RGS7: variants seen among roughly 807,000 people sequenced by gnomAD.
RGS7 encodes the protein regulator of G protein signaling 7.
RGS7 carries 27 observed loss-of-function variants against 81.1 expected under a neutral mutation model. The observed-to-expected ratio is 0.33, with a 90% confidence interval of 0.25 to 0.46. RGS7 has a LOEUF of 0.46. Among genes scored for constraint, RGS7 ranks in the 20% least tolerant of loss-of-function variants. The probability of loss-of-function intolerance (pLI) is 1.00; values close to 1 mark genes in which losing one functional copy is unlikely to be tolerated. For synonymous variants in RGS7, 208 were observed against 207.7 expected (o/e 1.00, Z -0.01); for missense variants, 396 against 607.4 (o/e 0.65, Z 3.66).
At chr1:241,346,638 G>C (rs534078001) in intron 2 of RGS7, among the ~76,000 whole-genome samples, 1 of 152,202 alleles carries the variant, frequency 6.6e-6, no homozygotes, top group Non-Finnish European at 1.5e-5. Flanking sequence ...CACAGAGCTC[G>C]ACAGTTCTGC....
intron 6 of RGS7, among the ~76,000 whole-genome samples, chr1:240,916,253 G>A (rs529793003): frequency 6.9e-6 from 1 of 145,634 alleles, no homozygotes; most frequent in Non-Finnish European, 1.5e-5. Context: ...CTTCAGCCTG[G>A]GTGACAGAGT....
At chr1:241,172,143 C>T (rs2070779071) in intron 2 of RGS7, among the ~76,000 whole-genome samples, 2 of 152,146 alleles carry the variant, frequency 1.3e-5, no homozygotes, top group Admixed American at 1.3e-4. Flanking sequence ...TCCATGATTC[C>T]CATTGTTTAT....
At chr1:241,116,396 G>A (rs767981687) in intron 2 of RGS7, among the ~76,000 whole-genome samples, 8 of 152,044 alleles carry the variant, frequency 5.3e-5, no homozygotes, top group South Asian at 2.1e-4. Flanking sequence ...AAAAGGTACC[G>A]TATATAGGTT....
In RGS7 at chr1:241,322,568, G is replaced by C. The variant is rs148472329; in HGVS notation, c.78+33131C>G. 1.7e-4 allele frequency among the ~76,000 whole-genome samples: 26 copies of C among 152,310 alleles called. No homozygotes were observed. The East Asian group carries it at 2.9e-3, about 17-fold the overall frequency. The stretch of plus-strand genomic sequence containing the variant: ...TTACATAAATTCAAGAAAAGCAGGG[G>C]TTTAGCATATCTGCCACCCTGAATT... On this transcript the variant is annotated intron_variant, in intron 2 of 18. Transcript: ENST00000440928.
At chr1:241,273,202 T>G (rs2078020039) in intron 2 of RGS7, among the ~76,000 whole-genome samples, 1 of 126,676 alleles carries the variant, frequency 7.9e-6, no homozygotes, top group Admixed American at 9.1e-5. Flanking sequence ...ATACACTCCT[T>G]CTTCTCTCAA....
intron 2 of RGS7, among the ~76,000 whole-genome samples, chr1:241,251,837 G>A (rs1302601438): frequency 1.3e-5 from 2 of 151,822 alleles, no homozygotes; most frequent in Non-Finnish European, 2.9e-5. Context: ...GTGTACTCAA[G>A]GTCCAAACTT....
At position 240,960,975 on chromosome 1, in the gene RGS7, A is replaced by T. The variant is rs145946266; in HGVS notation, c.226+22104T>A. Among the ~76,000 whole-genome samples the T allele has an allele frequency of 1.3e-3, 199 of 152,316 alleles. 1 individual carries two copies. The highest frequency in any genetic ancestry group is 4.6e-3 in the African/African-American group (191 of 41,572). ...TAAGTTGGATACCAGAATCTGTTTT[A>T]ATTAAGTAAAATTATGAAAGTGGGA... On this transcript the variant is annotated intron_variant, in intron 4 of 18. Coordinates refer to ENST00000440928, the MANE Select transcript of RGS7 (RefSeq NM_001364886.1).
intron 2 of RGS7, among the ~76,000 whole-genome samples, chr1:241,351,662 A>G (rs975383241): frequency 6.6e-6 from 1 of 152,178 alleles, no homozygotes; most frequent in Non-Finnish European, 1.5e-5. Flanking sequence ...AAAACAAACG[A>G]ATGCAAAGCA....
intron 2 of RGS7, among the ~76,000 whole-genome samples, chr1:241,141,516 A>G (rs1287736315): frequency 6.6e-6 from 1 of 152,208 alleles, no homozygotes; most frequent in Non-Finnish European, 1.5e-5. Context: ...GGAAACTTAC[A>G]GTCATGGTGG....
intron 2 of RGS7, among the ~76,000 whole-genome samples, chr1:241,261,769 CA>C (rs10711166): frequency 0.39 from 48,362 of 125,064 alleles, 8,232 homozygotes; most frequent in African/African-American, 0.47. Context: ...TAATTTTAAC[CA>C]AAAAACCCAT....
chr1:240,968,628 T>C (rs1472840159), intron 4 of RGS7, among the ~76,000 whole-genome samples: 1 of 152,176 alleles, frequency 6.6e-6, no homozygotes. Flanking sequence ...TTGAAAATCG[T>C]ATCAGATGTT....
Position 241,166,459 on chromosome 1 carries a change from G to A in RGS7, c.79-67697C>T, listed in dbSNP as rs1412967991. On this transcript the variant is annotated intron_variant, in intron 2 of 18. Transcript: ENST00000440928. ...ATGACCCTGACGGACAAGAGCTGGGGCTGAGAATGGGGAAAAGTTTATGAT... is the reference window on the plus strand; with the variant it reads ...ATGACCCTGACGGACAAGAGCTGGGACTGAGAATGGGGAAAAGTTTATGAT... Among the ~76,000 whole-genome samples the A allele has an allele frequency of 3.9e-5, 6 of 152,324 alleles. No individual in the cohort carries two copies. In the East Asian group the frequency reaches 1.2e-3, roughly 29 times the overall value.
chr1:241,079,830 TTTTA>T (rs10700153), intron 3 of RGS7, among the ~76,000 whole-genome samples: 2 of 151,002 alleles, frequency 1.3e-5, no homozygotes, highest in East Asian at 1.9e-4. Flanking sequence ...CCCCATAGGC[TTTTA>T]TTTATTTATT....
At chr1:241,088,037 TAC>T (rs1192056062) in intron 3 of RGS7, among the ~76,000 whole-genome samples, 5 of 91,180 alleles carry the variant, frequency 5.5e-5, no homozygotes, top group African/African-American at 3.6e-4. Flanking sequence ...CATATATATA[TAC>T]ACACATATAT....
Position 240,993,289 on chromosome 1 carries a change from GAGAA to G in RGS7, c.176-10164_176-10161del, listed in dbSNP as rs1057386048. ...AGAAAAAGAAAGAAAGAGAGAGAGA[GAGAA>G]AGAAAGAGCCAAACTATTTTCCAGA... On this transcript the variant is annotated intron_variant, in intron 3 of 18. Transcript: ENST00000440928. 7.1e-4 allele frequency among the ~76,000 whole-genome samples: 108 copies of G among 152,096 alleles called. 1 individual carries two copies. Among genetic ancestry groups the G allele is most frequent in the African/African-American group, 2.0e-3 (81 of 41,482 alleles).
intron 2 of RGS7, among the ~76,000 whole-genome samples, chr1:241,122,594 C>G (rs1023240855): frequency 2.0e-5 from 3 of 150,360 alleles, no homozygotes; most frequent in Non-Finnish European, 2.9e-5. Flanking sequence ...CCCCGAGAGG[C>G]AGAGATTGCA....
chr1:241,246,925 G>C (rs1386703021), intron 2 of RGS7, among the ~76,000 whole-genome samples: 1 of 151,890 alleles, frequency 6.6e-6, no homozygotes, highest in Non-Finnish European at 1.5e-5. Context: ...CTGGCTAGCT[G>C]AGGAACACAG....
At chr1:241,037,584 G>A (rs2060395499) in intron 3 of RGS7, among the ~76,000 whole-genome samples, 1 of 151,970 alleles carries the variant, frequency 6.6e-6, no homozygotes, top group Non-Finnish European at 1.5e-5. Flanking sequence ...AGCCAGGTGT[G>A]GTGGCAGGCC....
At chr1:240,792,339 T>C (rs1238839241) in intron 18 of RGS7, among the ~76,000 whole-genome samples, 1 of 152,244 alleles carries the variant, frequency 6.6e-6, no homozygotes, top group African/African-American at 2.4e-5. Flanking sequence ...ATGACTACAG[T>C]AGCTGCTGAT....
Sources: gnomAD v4.1 joint callset for allele counts (sites outside exome capture counted in the v4.1 genomes callset) on GRCh38, gnomAD v4.1.1 for gene constraint, MANE v1.5 for transcripts, NCBI Gene and HGNC (gene_info 2026-07-23, HGNC 2026-07-21) for gene names.